The following SFI1 variants were observed in gnomAD, a reference collection of about 807,000 sequenced individuals.
The protein encoded by SFI1 is protein SFI1 homolog.
In SFI1, 195 loss-of-function variants were observed where a neutral mutation model predicts 207.5. The ratio of observed to expected loss-of-function variants is 0.94; its 90% confidence interval spans 0.84 to 1.06. The LOEUF (loss-of-function observed/expected upper bound fraction) is 1.06, where lower values mean the gene tolerates loss of function less well. Ranked by LOEUF, SFI1 falls within the 50% of genes least tolerant of loss-of-function variation. The pLI is 0.00. For missense variants in SFI1, 1,634 were observed against 1,588.0 expected (o/e 1.03, Z -0.49); for synonymous variants, 630 against 598.9 (o/e 1.05, Z -0.76).
chr22:31,616,697 C>T (rs1278336298), intron 29 of SFI1, 48 bp from the exon 30 acceptor site: 9 of 1,504,402 alleles, frequency 6.0e-6, no homozygotes, highest in Non-Finnish European at 7.1e-6. Flanking sequence ...CCCTCCCTGG[C>T]TTCCTCCTAG....
chr22:31,590,713 G>A (rs1427225786), intron 15 of SFI1, among the ~76,000 whole-genome samples: 1 of 151,724 alleles, frequency 6.6e-6, no homozygotes, highest in African/African-American at 2.4e-5. Flanking sequence ...CACCATGTCA[G>A]CAAGGTCTCG....
chr22:31,605,406 AGG>A (rs2068794414), intron 20 of SFI1: 1 of 153,660 alleles, frequency 6.5e-6, no homozygotes, highest in Admixed American at 6.5e-5. Flanking sequence ...ACCCCTGTGG[AGG>A]GTGCTTCTGC....
chr22:31,519,581 C>T (rs998452060), intron 2 of SFI1, among the ~76,000 whole-genome samples: 5 of 152,024 alleles, frequency 3.3e-5, no homozygotes, highest in Non-Finnish European at 5.9e-5. Context: ...GGATTACAGG[C>T]GTGTGCCACC....
In SFI1 at chr22:31,604,385, G is replaced by C. The variant is rs1463996876; in HGVS notation, c.1958G>C (p.Arg653Thr). ...CACCACCAGCACAGCGTGCTGCACAGGGCGCTGCAGGCATGGGTGGTAGGA... is the reference window on the plus strand; with the variant it reads ...CACCACCAGCACAGCGTGCTGCACACGGCGCTGCAGGCATGGGTGGTAGGA... ...DLHHQHSVLH[R>T]ALQAWVTYQG... Residue 653 changes from arginine to threonine, a missense_variant, in exon 19 of 33, where the codon AGG becomes ACG. Coordinates refer to ENST00000400288, the MANE Select transcript of SFI1 (RefSeq NM_001007467.3). 18 of 1,551,438 alleles carry C rather than the reference G, an allele frequency of 1.2e-5. No homozygotes were observed. The highest frequency in any genetic ancestry group is 1.6e-5 in the Non-Finnish European group (18 of 1,151,696).
At position 31,531,083 on chromosome 22, in the gene SFI1, T is replaced by G. The variant is rs771080878; in HGVS notation, c.292T>G (p.Leu98Val). 6 of 1,613,670 alleles carry G rather than the reference T, an allele frequency of 3.7e-6. No homozygotes were observed. Among genetic ancestry groups the G allele is most frequent in the Non-Finnish European group, 5.1e-6 (6 of 1,179,876 alleles). The change falls in exon 4 of 33, where the codon TTA (leucine) becomes GTA (valine). Residue 98 changes from leucine (L) to valine (V), a missense_variant. Coordinates refer to ENST00000400288, the MANE Select transcript of SFI1 (RefSeq NM_001007467.3). ...ATGCGTGGCCAGAAAGTTCTTATAT[T>G]TATGGATTCGAATGACTTTTGGAAG... Reference protein sequence around the residue: ...IRCVARKFLYLWIRMTFGRVF... With the variant: ...IRCVARKFLYVWIRMTFGRVF...
intron 6 of SFI1, among the ~76,000 whole-genome samples, chr22:31,555,627 A>G (rs2061089033): frequency 6.6e-6 from 1 of 152,216 alleles, no homozygotes; most frequent in African/African-American, 2.4e-5. Context: ...TCATAGTTAA[A>G]TCATCTCATT....
chr22:31,609,747 C>G (rs1268716064), intron 22 of SFI1, among the ~76,000 whole-genome samples: 2 of 152,236 alleles, frequency 1.3e-5, no homozygotes, highest in African/African-American at 2.4e-5. Context: ...AGCTCAGAAA[C>G]CAGCACTGTG....
In SFI1 at chr22:31,528,255, TA is replaced by T. The variant is rs941960487; in HGVS notation, c.93-424del. ...GGCAACACAGTGAGACCTCATCTCTTAAAAAAAAAAATTATCAGGACACAGT... is the reference window on the plus strand; with the variant it reads ...GGCAACACAGTGAGACCTCATCTCTTAAAAAAAAAATTATCAGGACACAGT... On this transcript the variant is annotated intron_variant, in intron 2 of 32. Transcript: ENST00000400288. Among the ~76,000 whole-genome samples the T allele has an allele frequency of 1.4e-4, 21 of 147,828 alleles. 1 individual carries two copies. The highest frequency in any genetic ancestry group is 4.1e-4 in the Admixed American group (6 of 14,794).
In SFI1 at chr22:31,528,678, C is replaced by A. The variant is rs1602185532; in HGVS notation, c.93-12C>A. ...TTATTCTCTCCTTGCCTCTTTCGTCCTCAAATTTAAGGTATTTTAAGGATG... is the reference window on the plus strand; with the variant it reads ...TTATTCTCTCCTTGCCTCTTTCGTCATCAAATTTAAGGTATTTTAAGGATG... On this transcript the variant is annotated splice_polypyrimidine_tract_variant and intron_variant, in intron 2 of 32. Transcript: ENST00000400288. 6.2e-7 allele frequency: 1 copy of A among 1,609,870 alleles called. No homozygotes were observed.
rs1288420538 is a variant in SFI1 at position 31,508,270 on chromosome 22, A to C, written c.-15A>C. The C allele has an allele frequency of 6.3e-7, 1 of 1,579,202 alleles. No homozygotes were observed. Among genetic ancestry groups the C allele is most frequent in the Admixed American group, 1.7e-5 (1 of 59,528 alleles). On this transcript the variant is annotated 5_prime_UTR_variant, in exon 2 of 33. Transcript: ENST00000400288. ...TTTCTTGTAGTTAGAAGGGGAAGATAAAAGACTTTGATTCATGAAGAATCT... is the reference window on the plus strand; with the variant it reads ...TTTCTTGTAGTTAGAAGGGGAAGATCAAAGACTTTGATTCATGAAGAATCT...
intron 11 of SFI1, among the ~76,000 whole-genome samples, chr22:31,579,356 C>A (rs2146045353): frequency 6.6e-6 from 1 of 151,450 alleles, no homozygotes; most frequent in East Asian, 1.9e-4. Context: ...CGCTCTGTCA[C>A]CCAGCCTGGA....
Position 31,603,749 on chromosome 22 carries a change from C to T in SFI1, c.1811C>T (p.Thr604Met), listed in dbSNP as rs373091045. 1.1e-5 allele frequency: 17 copies of T among 1,536,880 alleles called. No individual in the cohort carries two copies. Among genetic ancestry groups the T allele is most frequent in the Middle Eastern group, 1.7e-4 (1 of 5,812 alleles). The part of the protein sequence containing the change: ...ESAQGLRTER[T>M]GRVRAAEFHM... ...GCTCTGCCATCTCCCCACAGGAGGA[C>T]GGGCAGGGTGCGGGCAGCAGAATTC... The change falls in exon 18 of 33, where the codon ACG becomes ATG. Residue 604 changes from threonine to methionine, a missense_variant. Coordinates refer to ENST00000400288, the MANE Select transcript of SFI1 (RefSeq NM_001007467.3).
intron 2 of SFI1, among the ~76,000 whole-genome samples, chr22:31,515,525 T>C (rs780902541): frequency 1.5e-5 from 2 of 132,726 alleles, no homozygotes; most frequent in African/African-American, 2.9e-5. Flanking sequence ...ACTACAAATA[T>C]GCATCACTGT....
intron 4 of SFI1, 107 bp from the exon 5 acceptor site, chr22:31,546,754 A>C (rs918314433): frequency 1.6e-6 from 1 of 640,362 alleles, no homozygotes; most frequent in African/African-American, 1.9e-5. Context: ...GGTGTGAGCC[A>C]CCACGCCCGG....
chr22:31,579,263 C>T (rs891945307), intron 11 of SFI1, among the ~76,000 whole-genome samples: 2 of 152,152 alleles, frequency 1.3e-5, no homozygotes, highest in Non-Finnish European at 2.9e-5. Context: ...TCCACTTCAG[C>T]CTCCCAAGCA....
intron 4 of SFI1, among the ~76,000 whole-genome samples, chr22:31,545,566 TTTA>T (rs2059991021): frequency 3.5e-5 from 5 of 142,116 alleles, no homozygotes; most frequent in African/African-American, 1.1e-4. Flanking sequence ...TTTAATTTAA[TTTA>T]ATTTAATTTA....
intron 14 of SFI1, chr22:31,587,999 T>G (rs1444641559): frequency 1.3e-5 from 2 of 152,198 alleles, no homozygotes; most frequent in Non-Finnish European, 2.9e-5. Context: ...GATCCAATTA[T>G]CTATTGCTAT....
chr22:31,562,511 G>A (rs1460036028), intron 8 of SFI1, among the ~76,000 whole-genome samples: 1 of 151,434 alleles, frequency 6.6e-6, no homozygotes, highest in East Asian at 1.9e-4. Context: ...AGTGCTTTAC[G>A]TGCATTATCT....
In SFI1 at chr22:31,589,509, A is replaced by G. The variant is rs746485090; in HGVS notation, c.1476A>G (p.Thr492=). 3.0e-5 allele frequency: 49 copies of G among 1,614,038 alleles called. No individual in the cohort carries two copies. Among genetic ancestry groups the G allele is most frequent in the African/African-American group, 4.0e-5 (3 of 75,034 alleles). ...QQRALPAAFH[T]WNRLWRWRHQ... Reference sequence around the variant, plus strand: ...GAGCCCTGCCTGCTGCCTTCCACACATGGAACAGACTCTGGCGATGGCGCC... The same window carrying G: ...GAGCCCTGCCTGCTGCCTTCCACACGTGGAACAGACTCTGGCGATGGCGCC... Residue 492 remains threonine, a synonymous_variant, in exon 15 of 33, where the codon ACA becomes ACG. Coordinates refer to ENST00000400288, the MANE Select transcript of SFI1 (RefSeq NM_001007467.3).
Sources: gnomAD v4.1 joint callset for allele counts (sites outside exome capture counted in the v4.1 genomes callset) on GRCh38, gnomAD v4.1.1 for gene constraint, MANE v1.5 for transcripts, NCBI Gene and HGNC (gene_info 2026-07-23, HGNC 2026-07-21) for gene names.